The following AAK1 variants were observed in gnomAD, a reference collection of about 807,000 sequenced individuals.
The protein encoded by AAK1 is AP2 associated kinase 1.
AAK1 carries 37 observed loss-of-function variants against 116.0 expected under a neutral mutation model. The ratio of observed to expected loss-of-function variants is 0.32; its 90% CI spans 0.25 to 0.42. The LOEUF (loss-of-function observed/expected upper bound fraction) is 0.42, where lower values mean the gene tolerates loss of function less well. Ranked by LOEUF, AAK1 falls within the 10% of genes least tolerant of loss-of-function variation. The pLI, the probability that AAK1 is intolerant of heterozygous loss-of-function variation, is 1.00. For synonymous variants in AAK1, 458 were observed against 439.9 expected, an observed-to-expected ratio of 1.04 and a Z score of -0.51; for missense variants, 919 against 1,170.6, an observed-to-expected ratio of 0.79 and a Z score of 3.14.
intron 3 of AAK1, among the ~76,000 whole-genome samples, chr2:69,552,057 AGG>A (rs1229183395): frequency 6.6e-6 from 1 of 152,198 alleles, no homozygotes; most frequent in Non-Finnish European, 1.5e-5. Context: ...TGAGAGAGGT[AGG>A]GCTGGGGTTA....
intron 2 of AAK1, among the ~76,000 whole-genome samples, chr2:69,579,300 C>A (rs746531345): frequency 1.3e-5 from 2 of 152,194 alleles, no homozygotes; most frequent in Non-Finnish European, 2.9e-5. Context: ...CTCTTTCCAG[C>A]CAGGCCTGGT....
At chr2:69,488,623 G>A (rs1299303045) in intron 17 of AAK1, among the ~76,000 whole-genome samples, 1 of 152,204 alleles carries the variant, frequency 6.6e-6, no homozygotes, top group Non-Finnish European at 1.5e-5. Flanking sequence ...TTTTAAGTAA[G>A]AGGACTAAAT....
Position 69,465,683 on chromosome 2 carries a change from T to C in AAK1, c.*10186A>G. The C allele has an allele frequency of 7.7e-7, 1 of 1,290,948 alleles. No homozygotes were observed. The highest frequency in any genetic ancestry group is 1.0e-6 in the Non-Finnish European group (1 of 988,882). The allele number at this position is 1,290,948 out of a possible 1,614,324, so 80.0% of individuals were successfully genotyped here. A position where few individuals can be genotyped will look rare whatever the true frequency, so the allele number is the denominator to read the frequency against. ...TGCCAGCCATGGGGCCTGAGACAGC[T>C]TCTTTCTGGAGCTGAGGTCCTTTGT... On this transcript the variant is annotated 3_prime_UTR_variant, in exon 22 of 22. Coordinates refer to ENST00000409085, the MANE Select transcript of AAK1 (RefSeq NM_014911.5).
Position 69,514,736 on chromosome 2 carries a change from T to G in AAK1, c.1511A>C (p.His504Pro), listed in dbSNP as rs765311520. ...QAQTQQFQAVHPATQKPAIAQ... is the reference protein window; with the variant it reads ...QAQTQQFQAVPPATQKPAIAQ... ...AATTGCTGGTTTCTGGGTTGCTGGA[T>G]GTACTGCCTGAAACTGAGCAAGAAA... is the stretch of plus-strand genomic sequence containing the variant. Residue 504 changes from histidine (H) to proline (P), a missense_variant, in exon 13 of 22, where the codon CAT becomes CCT. By Grantham distance (77) the His-to-Pro change is moderately conservative. Around this residue, in one of 4 missense-constraint regions of AAK1, gnomAD observed 214 missense variants for 210.6 expected, o/e 1.02. Transcript: ENST00000409085. 2.2e-5 allele frequency: 35 copies of G among 1,598,746 alleles called. No homozygotes were observed. The East Asian group carries it at 7.2e-4, about 33-fold the overall frequency.
At chr2:69,640,907 A>G (rs573490921) in intron 2 of AAK1, among the ~76,000 whole-genome samples, 15 of 152,294 alleles carry the variant, frequency 9.8e-5, no homozygotes, top group Non-Finnish European at 2.1e-4. Context: ...CATCTCTTAA[A>G]GCAGTTGGTA....
intron 2 of AAK1, among the ~76,000 whole-genome samples, chr2:69,640,509 C>G (rs999332709): frequency 2.0e-5 from 3 of 152,206 alleles, no homozygotes; most frequent in East Asian, 1.9e-4. Context: ...CTCATCTTCC[C>G]AAATTCATTG....
chr2:69,636,507 T>C (rs1390128927), intron 2 of AAK1, among the ~76,000 whole-genome samples: 1 of 152,172 alleles, frequency 6.6e-6, no homozygotes, highest in African/African-American at 2.4e-5. Context: ...GCATGTTTTT[T>C]AACTAGAGCA....
At chr2:69,486,882 C>G (rs548892065) in intron 17 of AAK1, among the ~76,000 whole-genome samples, 1 of 152,144 alleles carries the variant, frequency 6.6e-6, no homozygotes, top group East Asian at 1.9e-4. Flanking sequence ...GAATATGAGT[C>G]TTCACATAGA....
intron 2 of AAK1, among the ~76,000 whole-genome samples, chr2:69,603,861 A>G (rs927608072): frequency 4.6e-5 from 7 of 152,328 alleles, no homozygotes; most frequent in Admixed American, 2.6e-4. Context: ...GCAGGTTTTC[A>G]GAACTCAGAC....
At chr2:69,573,609 T>G (rs1672178254) in intron 2 of AAK1, among the ~76,000 whole-genome samples, 1 of 152,202 alleles carries the variant, frequency 6.6e-6, no homozygotes, top group Non-Finnish European at 1.5e-5. Flanking sequence ...TGTGGCAATA[T>G]GCATAAAAAC....
chr2:69,625,076 T>C (rs1029557249), intron 2 of AAK1, among the ~76,000 whole-genome samples: 2 of 152,218 alleles, frequency 1.3e-5, no homozygotes, highest in African/African-American at 4.8e-5. Context: ...TCAACCTTTA[T>C]AGAATGTGAG....
At chr2:69,603,743 C>G (rs889027299) in intron 2 of AAK1, among the ~76,000 whole-genome samples, 1 of 151,236 alleles carries the variant, frequency 6.6e-6, no homozygotes, top group Non-Finnish European at 1.5e-5. Flanking sequence ...GAATTAAAAT[C>G]ATCATCATCA....
chr2:69,558,623 T>C (rs1265004285), intron 2 of AAK1, among the ~76,000 whole-genome samples: 1 of 152,230 alleles, frequency 6.6e-6, no homozygotes. Context: ...ATTGACTCTG[T>C]TCAGCAAAAA....
Position 69,475,712 on chromosome 2 carries a change from A to G in AAK1, c.*157T>C. The G allele has an allele frequency of 7.2e-7, 1 of 1,398,296 alleles. No individual in the cohort carries two copies. Among genetic ancestry groups the G allele is most frequent in the South Asian group, 1.7e-5 (1 of 58,346 alleles). 86.6% of individuals were successfully genotyped at this position (1,398,296 alleles called of 1,614,324 possible). A position where few individuals can be genotyped will look rare whatever the true frequency, so the allele number is the denominator to read the frequency against. ...AGGGCCAAAGTGATTTTCTTTCCTT[A>G]TCATTTCTACAGGAGAAGGCAAGGG... On this transcript the variant is annotated 3_prime_UTR_variant, in exon 22 of 22. Transcript: ENST00000409085.
At chr2:69,626,067 G>A (rs1674882194) in intron 2 of AAK1, among the ~76,000 whole-genome samples, 1 of 151,834 alleles carries the variant, frequency 6.6e-6, no homozygotes, top group Non-Finnish European at 1.5e-5. Context: ...CCTTTCTCCT[G>A]TCCAAGGTTA....
intron 16 of AAK1, among the ~76,000 whole-genome samples, chr2:69,503,375 T>A (rs2104953300): frequency 6.6e-6 from 1 of 152,344 alleles, no homozygotes; most frequent in Non-Finnish European, 1.5e-5. Flanking sequence ...ATTCTACATC[T>A]TGTAAAGAAT....
chr2:69,508,586 G>A (rs563227174), intron 14 of AAK1, among the ~76,000 whole-genome samples: 3 of 152,140 alleles, frequency 2.0e-5, no homozygotes, highest in Non-Finnish European at 4.4e-5. Flanking sequence ...AAACCAGTTC[G>A]GTCAGACATA....
At chr2:69,632,726 G>A (rs1027624034) in intron 2 of AAK1, among the ~76,000 whole-genome samples, 17 of 151,746 alleles carry the variant, frequency 1.1e-4, no homozygotes, top group African/African-American at 3.1e-4. Flanking sequence ...GTGAAACCCC[G>A]TCTCTACTAA....
intron 2 of AAK1, among the ~76,000 whole-genome samples, chr2:69,636,460 A>G (rs1675449638): frequency 6.6e-6 from 1 of 152,210 alleles, no homozygotes; most frequent in Non-Finnish European, 1.5e-5. Context: ...CATGAATATA[A>G]CTTACAAATA....
Sources: allele counts gnomAD v4.1 joint callset (sites outside exome capture counted in the v4.1 genomes callset), GRCh38; gene constraint gnomAD v4.1.1; regional missense constraint gnomAD v4.1.1; transcripts MANE v1.5; gene names NCBI Gene and HGNC (gene_info 2026-07-23, HGNC 2026-07-21).